Variants in STK39 observed in about 807,000 individuals in gnomAD.
The protein encoded by STK39 is serine/threonine kinase 39, also known as STE20/SPS1-related proline-alanine-rich protein kinase.
A neutral mutation model predicts 77.8 loss-of-function variants in STK39; 20 were observed. The ratio of observed to expected loss-of-function variants is 0.26; its 90% CI spans 0.18 to 0.37. The LOEUF is 0.37. Among genes scored for constraint, STK39 ranks in the 10% least tolerant of loss-of-function variants. The pLI is 1.00. For missense variants in STK39, 479 were observed against 656.5 expected (o/e 0.73, Z 2.95); for synonymous variants, 246 against 234.1 (o/e 1.05, Z -0.47).
chr2:168,108,197 C>T (rs748353038), intron 10 of STK39, among the ~76,000 whole-genome samples: 82 of 152,266 alleles, frequency 5.4e-4, no homozygotes, highest in Non-Finnish European at 9.9e-4. Context: ...CTTGACTCGA[C>T]GGTATACCAA....
chr2:167,964,565 G>T, intron 17 of STK39, 97 bp downstream of exon 17: 1 of 1,158,084 alleles, frequency 8.6e-7, no homozygotes, highest in Non-Finnish European at 1.3e-6. Context: ...AACAACAACA[G>T]CAAAATTACA....
chr2:168,087,403 T>C (rs943375688), intron 10 of STK39, among the ~76,000 whole-genome samples: 9 of 152,248 alleles, frequency 5.9e-5, no homozygotes, highest in African/African-American at 2.2e-4. Context: ...TAGGCATTGC[T>C]GTGAAGGCAT....
At chr2:168,192,514 C>A (rs1219494904) in intron 1 of STK39, among the ~76,000 whole-genome samples, 1 of 152,174 alleles carries the variant, frequency 6.6e-6, no homozygotes, top group African/African-American at 2.4e-5. Flanking sequence ...CTTCCAAACC[C>A]CGCCCCATTC....
chr2:168,022,687 A>G (rs1334718210), intron 14 of STK39, among the ~76,000 whole-genome samples: 3 of 152,240 alleles, frequency 2.0e-5, no homozygotes, highest in Non-Finnish European at 2.9e-5. Flanking sequence ...AATATAAAAT[A>G]TAACTTCTGC....
intron 10 of STK39, among the ~76,000 whole-genome samples, chr2:168,093,891 T>C (rs1686592380): frequency 6.6e-6 from 1 of 152,202 alleles, no homozygotes; most frequent in Non-Finnish European, 1.5e-5. Flanking sequence ...CACTTTTTGC[T>C]CTGGCTCCTG....
At chr2:167,956,324 C>T (rs924686060) in intron 17 of STK39, among the ~76,000 whole-genome samples, 20 of 152,208 alleles carry the variant, frequency 1.3e-4, no homozygotes, top group East Asian at 7.7e-4. Context: ...TTTGGGGGGC[C>T]GAGGCAGGTG....
chr2:168,189,674 G>A (rs1689291420), intron 1 of STK39, among the ~76,000 whole-genome samples: 1 of 152,116 alleles, frequency 6.6e-6, no homozygotes, highest in African/African-American at 2.4e-5. Context: ...TTTACTTCTA[G>A]GCATTTTTGT....
At chr2:168,014,565 G>A (rs1684359455) in intron 15 of STK39, among the ~76,000 whole-genome samples, 1 of 149,610 alleles carries the variant, frequency 6.7e-6, no homozygotes, top group East Asian at 1.9e-4. Context: ...AGCATAATAA[G>A]AGGCTCTACT....
At chr2:168,142,423 C>A (rs1185923091) in intron 5 of STK39, among the ~76,000 whole-genome samples, 1 of 151,874 alleles carries the variant, frequency 6.6e-6, no homozygotes, top group Admixed American at 6.6e-5. Flanking sequence ...TACATATCAT[C>A]TATAAATTAA....
At chr2:168,224,238 C>CT (rs1690250703) in intron 1 of STK39, among the ~76,000 whole-genome samples, 2 of 151,868 alleles carry the variant, frequency 1.3e-5, no homozygotes, top group East Asian at 3.9e-4. Context: ...TTTCTTAGAG[C>CT]ACTGTTATGC....
chr2:168,037,755 G>A (rs1012525899), intron 14 of STK39, among the ~76,000 whole-genome samples: 2 of 152,114 alleles, frequency 1.3e-5, no homozygotes, highest in Non-Finnish European at 2.9e-5. Context: ...GAAATGGAAG[G>A]AAATATGCCA....
chr2:168,095,344 T>C (rs941340642), intron 10 of STK39, among the ~76,000 whole-genome samples: 3 of 152,172 alleles, frequency 2.0e-5, no homozygotes, highest in Admixed American at 2.0e-4. Flanking sequence ...TTCTCAAATA[T>C]GCTTGATCAT....
rs1384782120 is a variant in STK39, at chr2:167,992,356, A to C, written c.1498+20278T>G. 1.3e-5 allele frequency among the ~76,000 whole-genome samples: 2 copies of C among 151,956 alleles called. 1 individual carries two copies. The highest frequency in any genetic ancestry group is 4.8e-5 in the African/African-American group (2 of 41,330). ...CAACAACAACAAAAAAACCATTTGC[A>C]GGCAAGATCAGAGCTGTAGGCCACC... On this transcript the variant is annotated intron_variant, in intron 16 of 17. Coordinates refer to ENST00000355999, the MANE Select transcript of STK39 (RefSeq NM_013233.3).
intron 2 of STK39, among the ~76,000 whole-genome samples, chr2:168,176,015 A>G (rs1688948020): frequency 6.6e-6 from 1 of 152,192 alleles, no homozygotes; most frequent in Non-Finnish European, 1.5e-5. Flanking sequence ...ACTCTACAAC[A>G]AATAGCTAAA....
chr2:168,027,413 T>C (rs1684727067), intron 14 of STK39, among the ~76,000 whole-genome samples: 1 of 152,122 alleles, frequency 6.6e-6, no homozygotes, highest in African/African-American at 2.4e-5. Context: ...CGTGCAGAAA[T>C]ATGCCCCTGG....
In STK39 at chr2:168,151,692, T is replaced by G. The variant is rs539657450; in HGVS notation, c.628+10095A>C. On this transcript the variant is annotated intron_variant, in intron 5 of 17. Transcript: ENST00000355999. ...AGGTGGAGGTTGCAGTGAGCCGAGA[T>G]CACGCCACTGCACTCCAGCCTGGGC... Among the ~76,000 whole-genome samples the G allele has an allele frequency of 4.4e-3, 645 of 145,438 alleles. 6 individuals carry two copies. Among genetic ancestry groups the G allele is most frequent in the South Asian group, 0.034 (155 of 4,570 alleles).
intron 12 of STK39, among the ~76,000 whole-genome samples, chr2:168,067,882 T>C (rs1685835640): frequency 6.6e-6 from 1 of 152,136 alleles, no homozygotes; most frequent in African/African-American, 2.4e-5. Context: ...TATGAACAAA[T>C]ACCCAAGACT....
rs113002618 is a variant in STK39, at chr2:168,128,519, C to T, written c.1089+1022G>A. 1.6e-3 allele frequency among the ~76,000 whole-genome samples: 247 copies of T among 152,328 alleles called. 1 individual carries two copies. The highest frequency in any genetic ancestry group is 5.6e-3 in the African/African-American group (232 of 41,580). ...ACACATCAATCCTCCCCAGCCACAG[C>T]GCAGAAACCAGCCCACCCCACATAA... On this transcript the variant is annotated intron_variant, in intron 10 of 17. Transcript: ENST00000355999.
chr2:168,219,453 G>A (rs1418146706), intron 1 of STK39, among the ~76,000 whole-genome samples: 1 of 152,098 alleles, frequency 6.6e-6, no homozygotes, highest in Non-Finnish European at 1.5e-5. Flanking sequence ...CACTTCCTCA[G>A]GGAGAAGGAG....
Sources: allele counts gnomAD v4.1 joint callset (sites outside exome capture counted in the v4.1 genomes callset), GRCh38; gene constraint gnomAD v4.1.1; transcripts MANE v1.5; gene names NCBI Gene and HGNC (gene_info 2026-07-23, HGNC 2026-07-21).